PICALM: variants seen among roughly 807,000 people sequenced by gnomAD.
PICALM encodes the protein phosphatidylinositol binding clathrin assembly protein, also known as phosphatidylinositol-binding clathrin assembly protein.
Under a neutral mutation model 80.5 loss-of-function variants are expected in PICALM, and 40 were observed. The ratio of observed to expected loss-of-function variants is 0.50; its 90% CI spans 0.39 to 0.65. The LOEUF (loss-of-function observed/expected upper bound fraction) is 0.65, where lower values mean the gene tolerates loss of function less well. Ranked by LOEUF, PICALM falls within the 30% of genes least tolerant of loss-of-function variation. The pLI, the probability that PICALM is intolerant of heterozygous loss-of-function variation, is 0.00. For synonymous variants in PICALM, 288 were observed against 260.3 expected (o/e 1.11, Z -1.02); for missense variants, 676 against 778.9 (o/e 0.87, Z 1.57).
At chr11:85,968,986 AC>A (rs2094006558) in intron 19 of PICALM, among the ~76,000 whole-genome samples, 1 of 125,088 alleles carries the variant, frequency 8.0e-6, no homozygotes, top group Non-Finnish European at 1.8e-5. Context: ...ACACACACAC[AC>A]ACACACACAC....
chr11:85,971,681 A>G (rs2094116115), intron 19 of PICALM, among the ~76,000 whole-genome samples: 2 of 151,794 alleles, frequency 1.3e-5, no homozygotes, highest in South Asian at 4.2e-4. Flanking sequence ...GGTTGCAGTG[A>G]GCCGAGATCG....
rs1386777073 is a variant in PICALM, at chr11:85,981,165, C to T, written c.1743G>A (p.Lys581=). Residue 581 remains lysine, a synonymous_variant, in exon 17 of 20, where the codon AAG becomes AAA. Coordinates refer to ENST00000393346, the MANE Select transcript of PICALM (RefSeq NM_007166.4). ...KLTGGSNWQP[K]VAPTTAWNAA... is the part of the protein sequence containing the mutation. ...CATTCCAAGCGGTTGTTGGTGCAACCTTTGGTTGCCAGTTAGATCCCCCAG... is the reference window on the plus strand; with the variant it reads ...CATTCCAAGCGGTTGTTGGTGCAACTTTTGGTTGCCAGTTAGATCCCCCAG... 5.6e-6 allele frequency: 9 copies of T among 1,608,996 alleles called. 1 individual carries two copies. In the African/African-American group the frequency reaches 6.7e-5, roughly 12 times the overall value.
chr11:85,978,073 T>C (rs1384598946), intron 17 of PICALM: 2 of 1,613,022 alleles, frequency 1.2e-6, no homozygotes, highest in Admixed American at 1.7e-5. Context: ...CACTTACGTA[T>C]TGTGGAAAAT....
chr11:85,998,114 G>A (rs1592720714), intron 11 of PICALM, among the ~76,000 whole-genome samples: 1 of 147,166 alleles, frequency 6.8e-6, no homozygotes, highest in African/African-American at 2.5e-5. Flanking sequence ...AGACTTCTAT[G>A]TAATTTTTTT....
At chr11:86,037,856 G>C (rs955777764) in intron 1 of PICALM, among the ~76,000 whole-genome samples, 1 of 152,138 alleles carries the variant, frequency 6.6e-6, no homozygotes, top group African/African-American at 2.4e-5. Context: ...CTATAACACT[G>C]TTACTTCCAT....
At chr11:85,960,750 G>A in intron 19 of PICALM, 1 of 1,313,082 alleles carries the variant, frequency 7.6e-7, no homozygotes, top group Non-Finnish European at 1.0e-6. Context: ...TGAGGACTGT[G>A]ACTGGAGGGG....
intron 1 of PICALM, among the ~76,000 whole-genome samples, chr11:86,041,249 A>G (rs2095959870): frequency 1.3e-5 from 2 of 152,320 alleles, no homozygotes; most frequent in South Asian, 2.1e-4. Context: ...CTTAGAAGAC[A>G]TCTGTAGAAA....
intron 10 of PICALM, 41 bp from the exon 11 acceptor site, chr11:86,000,820 G>T: frequency 1.3e-6 from 2 of 1,593,522 alleles, no homozygotes; most frequent in Non-Finnish European, 1.7e-6. Context: ...CCAGAAACCA[G>T]ATTTCTTTGT....
intron 13 of PICALM, among the ~76,000 whole-genome samples, chr11:85,988,547 C>G (rs913930312): frequency 1.3e-5 from 2 of 150,624 alleles, no homozygotes; most frequent in African/African-American, 4.9e-5. Context: ...TTAAGTGACA[C>G]AAAAAATTCT....
At chr11:86,029,714 T>A (rs1407063470) in intron 2 of PICALM, among the ~76,000 whole-genome samples, 2 of 152,120 alleles carry the variant, frequency 1.3e-5, no homozygotes, top group Non-Finnish European at 2.9e-5. Context: ...CTACATCAAA[T>A]AAATAAAGAA....
intron 2 of PICALM, among the ~76,000 whole-genome samples, chr11:86,031,080 T>C (rs1418603400): frequency 6.6e-6 from 1 of 152,180 alleles, no homozygotes; most frequent in Non-Finnish European, 1.5e-5. Context: ...ATGGTACCAC[T>C]GCACCTCAGC....
intron 4 of PICALM, among the ~76,000 whole-genome samples, chr11:86,017,170 C>CA (rs2095493879): frequency 2.0e-5 from 3 of 150,498 alleles, no homozygotes; most frequent in Non-Finnish European, 4.4e-5. Context: ...TTGCAGGGAG[C>CA]AGAGATCACG....
At chr11:86,067,215 G>C (rs756653170) in intron 1 of PICALM, among the ~76,000 whole-genome samples, 3 of 152,164 alleles carry the variant, frequency 2.0e-5, no homozygotes, top group Non-Finnish European at 1.5e-5. Context: ...AAGTCCAAAT[G>C]AGAAATCAAA....
intron 1 of PICALM, among the ~76,000 whole-genome samples, chr11:86,054,733 A>G (rs552138482): frequency 9.8e-5 from 15 of 152,286 alleles, no homozygotes; most frequent in South Asian, 2.1e-4. Flanking sequence ...CACATTTTAC[A>G]CTATTAGATC....
At chr11:86,016,782 C>T (rs922724463) in intron 4 of PICALM, among the ~76,000 whole-genome samples, 37 of 152,266 alleles carry the variant, frequency 2.4e-4, no homozygotes, top group African/African-American at 8.9e-4. Context: ...TAAGTATCTT[C>T]GAATCCTCTT....
intron 19 of PICALM, among the ~76,000 whole-genome samples, chr11:85,962,678 T>C (rs1222694710): frequency 6.6e-6 from 1 of 152,194 alleles, no homozygotes; most frequent in African/African-American, 2.4e-5. Flanking sequence ...GTAAAACACA[T>C]ACACGTCTCA....
At chr11:86,030,853 G>A (rs1008509847) in intron 2 of PICALM, among the ~76,000 whole-genome samples, 5 of 152,258 alleles carry the variant, frequency 3.3e-5, no homozygotes, top group South Asian at 4.1e-4. Flanking sequence ...GATGGCTTAC[G>A]CCTGTAATCC....
chr11:86,001,632 A>C (rs138024202), intron 9 of PICALM, among the ~76,000 whole-genome samples: 1 of 152,238 alleles, frequency 6.6e-6, no homozygotes, highest in Non-Finnish European at 1.5e-5. Flanking sequence ...TGTTTCACCT[A>C]TAACAACATC....
intron 1 of PICALM, among the ~76,000 whole-genome samples, chr11:86,035,922 T>C (rs1213578109): frequency 1.5e-5 from 2 of 132,986 alleles, no homozygotes; most frequent in Non-Finnish European, 3.1e-5. Flanking sequence ...CACTCCAGCC[T>C]GGCCTACAGA....
Sources: gnomAD v4.1 joint callset for allele counts (sites outside exome capture counted in the v4.1 genomes callset) on GRCh38, gnomAD v4.1.1 for gene constraint, MANE v1.5 for transcripts, NCBI Gene and HGNC (gene_info 2026-07-23, HGNC 2026-07-21) for gene names.